The following KSR2 variants were observed in gnomAD, a reference collection of about 807,000 sequenced individuals.
KSR2 encodes the protein kinase suppressor of ras 2.
Under a neutral mutation model 107.8 loss-of-function variants are expected in KSR2, and 25 were observed. The observed-to-expected ratio is 0.23, with a 90% CI of 0.17 to 0.32. The LOEUF (loss-of-function observed/expected upper bound fraction) is 0.32, where lower values mean the gene tolerates loss of function less well. Ranked by LOEUF, KSR2 falls within the 10% of genes least tolerant of loss-of-function variation. The probability of loss-of-function intolerance (pLI) is 1.00; values close to 1 mark genes in which losing one functional copy is unlikely to be tolerated. For missense variants in KSR2, 887 were observed against 1,268.9 expected (o/e 0.70, Z 4.57); for synonymous variants, 480 against 507.0 (o/e 0.95, Z 0.71).
At chr12:117,898,466 C>T (rs993865868) in intron 1 of KSR2, among the ~76,000 whole-genome samples, 1 of 151,566 alleles carries the variant, frequency 6.6e-6, no homozygotes, top group Non-Finnish European at 1.5e-5. Flanking sequence ...ATTACAGGCA[C>T]CTGCCACCAT....
chr12:117,517,235 A>C (rs1329794065), intron 14 of KSR2, among the ~76,000 whole-genome samples: 1 of 152,212 alleles, frequency 6.6e-6, no homozygotes, highest in Non-Finnish European at 1.5e-5. Flanking sequence ...ATGTTTTAAG[A>C]CTTATTTGTT....
intron 4 of KSR2, among the ~76,000 whole-genome samples, chr12:117,689,747 T>C (rs1016356517): frequency 6.9e-6 from 1 of 145,852 alleles, no homozygotes; most frequent in African/African-American, 2.5e-5. Context: ...AATATAAATA[T>C]GTATACATGC....
At chr12:117,533,017 A>C (rs576665557) in intron 10 of KSR2, among the ~76,000 whole-genome samples, 1 of 152,214 alleles carries the variant, frequency 6.6e-6, no homozygotes, top group Non-Finnish European at 1.5e-5. Flanking sequence ...TATTTGTAGA[A>C]GCTCCAAGTC....
chr12:117,788,866 G>A (rs1471176317), intron 3 of KSR2, among the ~76,000 whole-genome samples: 1 of 152,168 alleles, frequency 6.6e-6, no homozygotes, highest in East Asian at 1.9e-4. Flanking sequence ...ATCTTCTCAA[G>A]TTGAATATTC....
chr12:117,493,999 C>G (rs1207451552), intron 14 of KSR2, among the ~76,000 whole-genome samples: 1 of 152,108 alleles, frequency 6.6e-6, no homozygotes, highest in Non-Finnish European at 1.5e-5. Context: ...CTTTTTCTTC[C>G]CAGTCTCCGG....
At chr12:117,724,312 C>CAAA (rs57095721) in intron 4 of KSR2, among the ~76,000 whole-genome samples, 4 of 111,904 alleles carry the variant, frequency 3.6e-5, no homozygotes, top group Non-Finnish European at 3.7e-5. Flanking sequence ...CACCCTGTCT[C>CAAA]AAAAAAAAAA....
At chr12:117,838,571 G>A (rs754630978) in intron 3 of KSR2, among the ~76,000 whole-genome samples, 5 of 152,276 alleles carry the variant, frequency 3.3e-5, no homozygotes, top group Admixed American at 1.3e-4. Context: ...CTCTCTGGGC[G>A]TGTGCCTCCT....
At chr12:117,878,338 C>T (rs1893927196) in intron 1 of KSR2, among the ~76,000 whole-genome samples, 1 of 152,210 alleles carries the variant, frequency 6.6e-6, no homozygotes, top group Admixed American at 6.5e-5. Context: ...AACACACACA[C>T]TACCTGCCCC....
At chr12:117,826,044 T>A (rs184759910) in intron 3 of KSR2, among the ~76,000 whole-genome samples, 67 of 151,376 alleles carry the variant, frequency 4.4e-4, no homozygotes, top group Middle Eastern at 3.4e-3. Flanking sequence ...GATGGATGGA[T>A]GAATGGATGG....
chr12:117,467,312 C>T (rs1871197667), intron 19 of KSR2, 107 bp from the exon 20 acceptor site: 1 of 553,874 alleles, frequency 1.8e-6, no homozygotes, highest in Admixed American at 3.6e-5. Context: ...TTGAGATGAA[C>T]TGTTCCTGTC....
Position 117,950,749 on chromosome 12 carries a change from A to AAAAAAT in KSR2, c.180+17326_180+17327insATTTTT, listed in dbSNP as rs1555260902. On this transcript the variant is annotated intron_variant, in intron 1 of 19. Coordinates refer to ENST00000339824, the MANE Select transcript of KSR2 (RefSeq NM_173598.6). ...GAGCAAGACTCTGTAAAAAAAAAAA[A>AAAAAAT]AATAATAATAATAATAATAATGATA... Among the ~76,000 whole-genome samples the AAAAAAT allele has an allele frequency of 7.1e-3, 942 of 132,104 alleles. 11 individuals are homozygous for AAAAAAT. The highest frequency in any genetic ancestry group is 0.021 in the African/African-American group (709 of 34,234). 86.7% of individuals were successfully genotyped at this position (132,104 alleles called of 152,430 possible). A position where few individuals can be genotyped will look rare whatever the true frequency, so the allele number is the denominator to read the frequency against.
intron 14 of KSR2, among the ~76,000 whole-genome samples, chr12:117,497,300 A>T (rs776101981): frequency 5.7e-4 from 87 of 152,194 alleles, no homozygotes; most frequent in Non-Finnish European, 1.1e-3. Context: ...ATTGCAAGTT[A>T]TAATTAGGGC....
rs1469580555 is a variant in KSR2, at chr12:117,455,070, G to GAGAGAC, written c.*12128_*12129insGTCTCT. 2.1e-4 allele frequency: 31 copies of GAGAGAC among 149,328 alleles called. 1 individual carries two copies. The highest frequency in any genetic ancestry group is 7.7e-4 in the African/African-American group (31 of 40,384). The allele number at this position is 149,328 out of a possible 1,614,324, so 9.3% of individuals were successfully genotyped here. On this transcript the variant is annotated 3_prime_UTR_variant, in exon 20 of 20. Transcript: ENST00000339824. ...AGAGAGAGAGAGAGAGAGAGAGAGA[G>GAGAGAC]AGGTCTGTAGAGCCAGAGAGGGATG...
chr12:117,712,848 T>C (rs958103361), intron 4 of KSR2, among the ~76,000 whole-genome samples: 2 of 152,118 alleles, frequency 1.3e-5, no homozygotes, highest in African/African-American at 2.4e-5. Context: ...TAAATAGATA[T>C]AGATATATCT....
chr12:117,900,890 G>A (rs959717671), intron 1 of KSR2, among the ~76,000 whole-genome samples: 1 of 152,288 alleles, frequency 6.6e-6, no homozygotes, highest in African/African-American at 2.4e-5. Context: ...AAACCAAGCA[G>A]TCGTTTTGGC....
intron 3 of KSR2, among the ~76,000 whole-genome samples, chr12:117,800,508 A>T (rs1197372287): frequency 6.6e-6 from 1 of 152,224 alleles, no homozygotes; most frequent in Non-Finnish European, 1.5e-5. Context: ...AGCAGATTCC[A>T]ATAGGATAGT....
intron 4 of KSR2, among the ~76,000 whole-genome samples, chr12:117,731,465 G>C (rs1297590929): frequency 1.3e-5 from 2 of 149,678 alleles, no homozygotes; most frequent in South Asian, 2.1e-4. Context: ...GGTGGGGGGC[G>C]CCTCTGCCCG....
At chr12:117,555,532 A>G (rs1877623803) in intron 8 of KSR2, among the ~76,000 whole-genome samples, 1 of 152,258 alleles carries the variant, frequency 6.6e-6, no homozygotes, top group African/African-American at 2.4e-5. Context: ...TAAAGCTATC[A>G]GGTTTTTTTA....
At chr12:117,826,458 A>T (rs2137097148) in intron 3 of KSR2, among the ~76,000 whole-genome samples, 1 of 150,382 alleles carries the variant, frequency 6.6e-6, no homozygotes, top group African/African-American at 2.5e-5. Context: ...GGCACTGGGA[A>T]GGAGGAAAAA....
Sources: allele counts gnomAD v4.1 joint callset (sites outside exome capture counted in the v4.1 genomes callset), GRCh38; gene constraint gnomAD v4.1.1; transcripts MANE v1.5; gene names NCBI Gene and HGNC (gene_info 2026-07-23, HGNC 2026-07-21).